GLG1: variants seen among roughly 807,000 people sequenced by gnomAD.
GLG1 encodes golgi glycoprotein 1.
Under a neutral mutation model 160.5 loss-of-function variants are expected in GLG1, and 38 were observed. That is an observed-to-expected ratio of 0.24 (90% CI 0.18 to 0.31). The LOEUF is 0.31. Ranked by LOEUF, GLG1 falls within the 10% of genes least tolerant of loss-of-function variation. The probability of loss-of-function intolerance (pLI) is 1.00; values close to 1 mark genes in which losing one functional copy is unlikely to be tolerated. For missense variants in GLG1, 1,373 were observed against 1,505.2 expected, an observed-to-expected ratio of 0.91 and a Z score of 1.45; for synonymous variants, 644 against 543.4, an observed-to-expected ratio of 1.19 and a Z score of -2.57.
At chr16:74,575,822 C>G (rs973750865) in intron 1 of GLG1, among the ~76,000 whole-genome samples, 9 of 152,236 alleles carry the variant, frequency 5.9e-5, no homozygotes, top group African/African-American at 1.9e-4. Flanking sequence ...TCATCACCAA[C>G]AAAAAAGCAG....
intron 7 of GLG1, among the ~76,000 whole-genome samples, chr16:74,492,152 C>T (rs559927336): frequency 2.4e-3 from 334 of 141,660 alleles, no homozygotes; most frequent in Non-Finnish European, 4.0e-3. Context: ...TTTGGGAGGC[C>T]GAGGCAGGCA....
chr16:74,600,796 G>C (rs1933634278), intron 1 of GLG1, among the ~76,000 whole-genome samples: 1 of 147,568 alleles, frequency 6.8e-6, no homozygotes, highest in African/African-American at 2.5e-5. Context: ...AAGAATAGCA[G>C]AGCTGTGTTC....
At chr16:74,467,884 G>A in intron 17 of GLG1, 36 bp from the exon 18 acceptor site, 1 of 1,386,148 alleles carries the variant, frequency 7.2e-7, no homozygotes, top group Non-Finnish European at 1.0e-6. Flanking sequence ...GGTGAGCTTG[G>A]TTTAGGCTGG....
At chr16:74,513,693 A>C (rs1473030748) in intron 2 of GLG1, among the ~76,000 whole-genome samples, 1 of 152,216 alleles carries the variant, frequency 6.6e-6, no homozygotes, top group Admixed American at 6.5e-5. Flanking sequence ...GAGAAACCAG[A>C]GCAGAAAGGC....
chr16:74,604,843 G>A (rs1252258535), intron 1 of GLG1, among the ~76,000 whole-genome samples: 1 of 152,248 alleles, frequency 6.6e-6, no homozygotes, highest in South Asian at 2.1e-4. Flanking sequence ...AAGGTCAGGA[G>A]ATCGAGACCA....
chr16:74,486,671 A>T (rs1043998500), intron 8 of GLG1, among the ~76,000 whole-genome samples: 1 of 152,184 alleles, frequency 6.6e-6, no homozygotes, highest in African/African-American at 2.4e-5. Flanking sequence ...CTTGGGGCAT[A>T]GATGAAAAAG....
At chr16:74,556,790 A>G (rs905343192) in intron 1 of GLG1, among the ~76,000 whole-genome samples, 1 of 149,394 alleles carries the variant, frequency 6.7e-6, no homozygotes, top group Non-Finnish European at 1.5e-5. Flanking sequence ...ATATAAAATA[A>G]TATTATTATT....
intron 1 of GLG1, among the ~76,000 whole-genome samples, chr16:74,598,232 G>T (rs1451775948): frequency 6.6e-6 from 1 of 151,988 alleles, no homozygotes; most frequent in African/African-American, 2.4e-5. Context: ...GCTGAAAGAA[G>T]AAAAATTGGT....
At chr16:74,514,596 C>T (rs538051252) in intron 2 of GLG1, among the ~76,000 whole-genome samples, 1 of 152,084 alleles carries the variant, frequency 6.6e-6, no homozygotes, top group African/African-American at 2.4e-5. Flanking sequence ...ATGCTGAGAG[C>T]TTCTGTCACC....
intron 1 of GLG1, among the ~76,000 whole-genome samples, chr16:74,595,400 G>A (rs542154181): frequency 5.9e-4 from 89 of 151,390 alleles, no homozygotes; most frequent in Non-Finnish European, 1.2e-3. Flanking sequence ...AGCCGGTCGT[G>A]GTGGCGGGCG....
At chr16:74,464,621 T>C (rs796428734) in intron 19 of GLG1, among the ~76,000 whole-genome samples, 3 of 152,294 alleles carry the variant, frequency 2.0e-5, no homozygotes, top group African/African-American at 7.2e-5. Context: ...GAGACATGGA[T>C]TGTTCACTGA....
At chr16:74,517,465 T>G (rs199907105) in intron 2 of GLG1, among the ~76,000 whole-genome samples, 1 of 152,124 alleles carries the variant, frequency 6.6e-6, no homozygotes, top group East Asian at 1.9e-4. Flanking sequence ...ATTATCACAA[T>G]AGATGCAGAA....
intron 21 of GLG1, 80 bp downstream of exon 21, chr16:74,462,408 G>T: frequency 7.4e-7 from 1 of 1,348,600 alleles, no homozygotes; most frequent in Non-Finnish European, 1.0e-6. Context: ...ACGGGAGCAA[G>T]CTAGGGATTT....
chr16:74,536,019 A>G (rs1170121788), intron 1 of GLG1, among the ~76,000 whole-genome samples: 1 of 152,214 alleles, frequency 6.6e-6, no homozygotes, highest in Non-Finnish European at 1.5e-5. Context: ...ATGTCAGAAT[A>G]AATGAACTCG....
At chr16:74,527,575 G>C (rs568367016) in intron 2 of GLG1, among the ~76,000 whole-genome samples, 141 of 152,052 alleles carry the variant, frequency 9.3e-4, no homozygotes, top group African/African-American at 3.1e-3. Context: ...AAGCATGAAA[G>C]AATAATAGTC....
intron 8 of GLG1, among the ~76,000 whole-genome samples, chr16:74,487,727 T>C (rs1267817871): frequency 2.6e-5 from 4 of 152,120 alleles, no homozygotes; most frequent in Non-Finnish European, 4.4e-5. Flanking sequence ...ATCAGTTAAA[T>C]ATCCATGACT....
chr16:74,473,211 C>A lies in GLG1; in HGVS notation c.2053-800G>T, dbSNP rs8061793. ...TGCTTTATGAGGGTTTCTAATCCCC[C>A]TTTTTTTTTTTCTTTTTATTGAGAC... On this transcript the variant is annotated intron_variant, in intron 13 of 25. Coordinates refer to ENST00000422840, the MANE Select transcript of GLG1 (RefSeq NM_001145667.2). 2.4e-3 allele frequency among the ~76,000 whole-genome samples: 351 copies of A among 148,938 alleles called. 1 individual carries two copies. Among genetic ancestry groups the A allele is most frequent in the Non-Finnish European group, 4.4e-3 (295 of 66,880 alleles).
Position 74,554,613 on chromosome 16 carries a change from T to G in GLG1, c.439-22460A>C, listed in dbSNP as rs557144264. On this transcript the variant is annotated intron_variant, in intron 1 of 25. Transcript: ENST00000422840. Reference sequence around the variant, plus strand: ...GCTAAATGTAAGATGGTCACTTAAATTGAGCAGATGGGACTTCATTAAATC... The same window carrying G: ...GCTAAATGTAAGATGGTCACTTAAAGTGAGCAGATGGGACTTCATTAAATC... 7.5e-4 allele frequency among the ~76,000 whole-genome samples: 114 copies of G among 152,340 alleles called. No individual in the cohort carries two copies. The South Asian group carries it at 0.023, about 31-fold the overall frequency.
At position 74,532,141 on chromosome 16, in the gene GLG1, T is replaced by C. The variant is rs748259591; in HGVS notation, c.451A>G (p.Ile151Val). Residue 151 changes from isoleucine (I) to valine (V), a missense_variant, in exon 2 of 26, where the codon ATT becomes GTT. Ile to Val is a conservative substitution (Grantham distance 29). Around this residue, in one of 4 missense-constraint regions of GLG1, gnomAD observed 322 missense variants for 254.6 expected, o/e 1.26. Transcript: ENST00000422840. Reference protein sequence around the residue: ...LQDVREPENEISSDCNHLLWN... With the variant: ...LQDVREPENEVSSDCNHLLWN... ...CTTACATGATTGCAGTCTGAAGAAA[T>C]TTCATTTTCAGGCTAGAAGAGAAAA... The C allele has an allele frequency of 6.5e-6, 9 of 1,393,330 alleles. No homozygotes were observed. The Admixed American group carries it at 1.7e-4, about 26-fold the overall frequency. The allele number at this position is 1,393,330 out of a possible 1,614,324, so 86.3% of individuals were successfully genotyped here.
Sources: gnomAD v4.1 joint callset for allele counts (sites outside exome capture counted in the v4.1 genomes callset) on GRCh38, gnomAD v4.1.1 for gene constraint, gnomAD v4.1.1 regional missense constraint, MANE v1.5 for transcripts, NCBI Gene and HGNC (gene_info 2026-07-23, HGNC 2026-07-21) for gene names.